Variants in DPH6 observed in about 807,000 individuals in gnomAD.
DPH6 encodes the protein diphthamine biosynthesis 6.
A neutral mutation model predicts 38.2 loss-of-function variants in DPH6; 33 were observed. The observed-to-expected ratio is 0.86, with a 90% CI of 0.65 to 1.15. The LOEUF (loss-of-function observed/expected upper bound fraction) is 1.15, where lower values mean the gene tolerates loss of function less well. Among genes scored for constraint, DPH6 ranks in the 50% most tolerant of loss-of-function variants. The pLI, the probability that DPH6 is intolerant of heterozygous loss-of-function variation, is 0.00. For synonymous variants in DPH6, 108 were observed against 103.0 expected, an observed-to-expected ratio of 1.05 and a Z score of -0.30; for missense variants, 325 against 320.0, an observed-to-expected ratio of 1.02 and a Z score of -0.12.
chr15:35,268,916 T>A (rs2051802853), intron 3 of DPH6, among the ~76,000 whole-genome samples: 2 of 152,172 alleles, frequency 1.3e-5, no homozygotes, highest in African/African-American at 2.4e-5. Context: ...ATAATTAAAA[T>A]AAAGAATATT....
At chr15:35,497,418 T>C (rs1017265578) in intron 3 of DPH6, among the ~76,000 whole-genome samples, 3 of 152,230 alleles carry the variant, frequency 2.0e-5, no homozygotes. Context: ...TATAAAGTTA[T>C]ACAGCAGAGT....
chr15:35,311,129 T>C (rs1202179647), intron 3 of DPH6, among the ~76,000 whole-genome samples: 2 of 150,344 alleles, frequency 1.3e-5, no homozygotes, highest in Admixed American at 1.3e-4. Flanking sequence ...CTAAAAGAGA[T>C]TGGAGAATTA....
At chr15:35,319,842 G>C (rs1215561692) in intron 3 of DPH6, among the ~76,000 whole-genome samples, 1 of 151,754 alleles carries the variant, frequency 6.6e-6, no homozygotes, top group Non-Finnish European at 1.5e-5. Context: ...CAACATACAA[G>C]AACAGTAAGA....
intron 3 of DPH6, among the ~76,000 whole-genome samples, chr15:35,297,840 C>T (rs1274061287): frequency 6.6e-6 from 1 of 151,966 alleles, no homozygotes; most frequent in East Asian, 1.9e-4. Flanking sequence ...CCCTCTCCTT[C>T]CCTACACTTC....
intron 3 of DPH6, among the ~76,000 whole-genome samples, chr15:35,258,194 C>G (rs2051720671): frequency 1.3e-5 from 2 of 152,034 alleles, no homozygotes; most frequent in African/African-American, 4.8e-5. Flanking sequence ...GTCTTTTTGC[C>G]TTACTCGGGC....
At chr15:35,317,587 G>C (rs2052203316) in intron 3 of DPH6, among the ~76,000 whole-genome samples, 1 of 124,168 alleles carries the variant, frequency 8.1e-6, no homozygotes, top group Non-Finnish European at 1.5e-5. Context: ...GAGTTCTGCT[G>C]GACAAAAAAA....
At chr15:35,359,066 G>A (rs943624575) in intron 3 of DPH6, among the ~76,000 whole-genome samples, 3 of 152,086 alleles carry the variant, frequency 2.0e-5, no homozygotes, top group Admixed American at 2.0e-4. Flanking sequence ...TGTGGCTGCT[G>A]TTGGGGATGG....
intron 5 of DPH6, among the ~76,000 whole-genome samples, chr15:35,417,925 A>C (rs1407375768): frequency 1.3e-5 from 2 of 152,072 alleles, no homozygotes; most frequent in East Asian, 3.9e-4. Flanking sequence ...TTTACATAAA[A>C]CTGCATTACA....
At chr15:35,526,953 G>T (rs1477117784) in intron 3 of DPH6, among the ~76,000 whole-genome samples, 1 of 152,138 alleles carries the variant, frequency 6.6e-6, no homozygotes, top group Non-Finnish European at 1.5e-5. Flanking sequence ...GACTGAAGAA[G>T]TCTAAAACAG....
chr15:35,298,330 T>G, intron 3 of DPH6: 1 of 623,436 alleles, frequency 1.6e-6, no homozygotes, highest in Non-Finnish European at 3.1e-6. Context: ...CCAAAATACC[T>G]CCCATTCGAG....
chr15:35,220,739 A>C (rs572968808), intron 3 of DPH6, among the ~76,000 whole-genome samples: 7 of 152,250 alleles, frequency 4.6e-5, no homozygotes, highest in South Asian at 2.1e-4. Flanking sequence ...ATGGTAATTA[A>C]ATTTCAACAT....
chr15:35,190,593 G>C, the DPH6 span, among the ~76,000 whole-genome samples: 1 of 152,194 alleles, frequency 6.6e-6, no homozygotes, highest in African/African-American at 2.4e-5. Context: ...CCCAAGAGCA[G>C]TTTAGGGTGT....
chr15:35,180,033 C>T, the DPH6 span, among the ~76,000 whole-genome samples: 1 of 152,106 alleles, frequency 6.6e-6, no homozygotes, highest in Non-Finnish European at 1.5e-5. Context: ...AAGCAAGGCT[C>T]TCTCTGGGAC....
intron 3 of DPH6, among the ~76,000 whole-genome samples, chr15:35,309,557 A>C (rs78658824): frequency 0.025 from 3,875 of 152,264 alleles, 153 homozygotes; most frequent in African/African-American, 0.089. Flanking sequence ...CCTTAAACCC[A>C]TTTTAAAGAG....
At chr15:35,542,945 A>AATATATATATATATATATATATAT (rs67141062) in intron 1 of DPH6, among the ~76,000 whole-genome samples, 1,148 of 30,034 alleles carry the variant, frequency 0.038, 117 homozygotes, top group Non-Finnish European at 0.048. Flanking sequence ...CCACTTAAGG[A>AATATATATATATATATATATATAT]ATATATATAT....
At chr15:35,260,400 C>T (rs2051738972) in intron 3 of DPH6, among the ~76,000 whole-genome samples, 1 of 151,760 alleles carries the variant, frequency 6.6e-6, no homozygotes, top group African/African-American at 2.4e-5. Context: ...GCCACCGCGC[C>T]CAGCCAGGAG....
At chr15:35,383,194 A>T (rs2140941990) in intron 6 of DPH6, among the ~76,000 whole-genome samples, 1 of 152,322 alleles carries the variant, frequency 6.6e-6, no homozygotes, top group South Asian at 2.1e-4. Context: ...GAATAACTAC[A>T]TTTTTAAATT....
At chr15:35,468,229 A>G (rs2054152212) in intron 3 of DPH6, among the ~76,000 whole-genome samples, 1 of 152,212 alleles carries the variant, frequency 6.6e-6, no homozygotes, top group African/African-American at 2.4e-5. Context: ...CGATCCTTCA[A>G]GAGAGCTTTT....
At chr15:35,422,865 T>A (rs746138021) in intron 5 of DPH6, among the ~76,000 whole-genome samples, 1 of 151,910 alleles carries the variant, frequency 6.6e-6, no homozygotes. Context: ...TCCTCCAGGT[T>A]CATCCGTGTT....
Sources: gnomAD v4.1 joint callset for allele counts (sites outside exome capture counted in the v4.1 genomes callset) on GRCh38, gnomAD v4.1.1 for gene constraint, MANE v1.5 for transcripts, NCBI Gene and HGNC (gene_info 2026-07-23, HGNC 2026-07-21) for gene names.